Variants in SCML2 observed in about 807,000 individuals in gnomAD.
The protein encoded by SCML2 is sex comb on midleg-like protein 2.
In SCML2, 6 loss-of-function variants were observed where a neutral mutation model predicts 48.4. That is an observed-to-expected ratio of 0.12 (90% CI 0.07 to 0.24). The LOEUF (loss-of-function observed/expected upper bound fraction) is 0.24, where lower values mean the gene tolerates loss of function less well. SCML2 is among the 10% of genes least tolerant of loss of function. SCML2 has a pLI of 1.00. For synonymous variants in SCML2, 181 were observed against 189.5 expected (o/e 0.95, Z 0.37); for missense variants, 377 against 528.2 (o/e 0.71, Z 2.81).
intron 10 of SCML2, 63 bp downstream of exon 10, chrX:18,257,981 G>A (rs1228001945): frequency 3.1e-6 from 2 of 645,331 alleles, no homozygotes; most frequent in Non-Finnish European, 4.7e-6. Flanking sequence ...AAGGGAAGGG[G>A]GAAGGGAAGG....
intron 7 of SCML2, among the ~76,000 whole-genome samples, chrX:18,283,925 G>GA (rs757182705): frequency 2.7e-5 from 3 of 111,806 alleles, no homozygotes; most frequent in East Asian, 2.8e-4. Flanking sequence ...CACAAAATTA[G>GA]AAAAAAACTA....
At chrX:18,351,138 C>A (rs1317827923) in intron 1 of SCML2, among the ~76,000 whole-genome samples, 1 of 110,372 alleles carries the variant, frequency 9.1e-6, no homozygotes, top group Non-Finnish European at 1.9e-5. Flanking sequence ...GGCATGGTGG[C>A]ACACCCCTGT....
Position 18,240,852 on chromosome X carries a change from A to G in SCML2, c.*399T>C, listed in dbSNP as rs1926238444. ...TAATTATAGAAGTTGTCAATCCCTG[A>G]TATTTTCCCCTTTGGGATTTAGCTG... On this transcript the variant is annotated 3_prime_UTR_variant, in exon 15 of 15. Transcript: ENST00000251900. 1 of 113,481 alleles carries G rather than the reference A, an allele frequency of 8.8e-6. No individual in the cohort carries two copies. The highest frequency in any genetic ancestry group is 3.2e-5 in the African/African-American group (1 of 30,951). 9.4% of individuals were successfully genotyped at this position (113,481 alleles called of 1,213,427 possible).
At chrX:18,289,241 T>C (rs1242569543) in intron 7 of SCML2, among the ~76,000 whole-genome samples, 1 of 112,321 alleles carries the variant, frequency 8.9e-6, no homozygotes, top group Non-Finnish European at 1.9e-5. Flanking sequence ...CAGACTCTGC[T>C]TGCAATTGTT....
chrX:18,257,124 A>AT (rs1041315147), intron 10 of SCML2, 94 bp from the exon 11 acceptor site: 5 of 542,286 alleles, frequency 9.2e-6, no homozygotes, highest in Non-Finnish European at 1.1e-5. Context: ...GAAAGGTATT[A>AT]TAAGTCTAAT....
Position 18,258,055 on chromosome X carries a change from TCTC to T in SCML2, c.1259_1261del (p.Gly420del), listed in dbSNP as rs1269793793. 2.5e-6 allele frequency: 3 copies of T among 1,206,992 alleles called. No individual in the cohort carries two copies. Among genetic ancestry groups the T allele is most frequent in the Non-Finnish European group, 2.2e-6 (2 of 891,914 alleles). On this transcript the variant is annotated inframe_deletion, in exon 10 of 15. Transcript: ENST00000251900. Reference sequence around the variant, plus strand: ...TTAGATAAGTATACCAGTTATCACTTCTCCTCCACGATTATCTGGCTTCAGGTA... The same window carrying T: ...TTAGATAAGTATACCAGTTATCACTTCTCCACGATTATCTGGCTTCAGGTA...
At chrX:18,261,246 C>T (rs1927054130) in intron 8 of SCML2, among the ~76,000 whole-genome samples, 1 of 107,217 alleles carries the variant, frequency 9.3e-6, no homozygotes, top group Non-Finnish European at 1.9e-5. Flanking sequence ...GATCCTCCTA[C>T]CTCCGCCTCC....
intron 8 of SCML2, among the ~76,000 whole-genome samples, chrX:18,263,225 A>C (rs1748555489): frequency 9.0e-6 from 1 of 110,595 alleles, no homozygotes; most frequent in Non-Finnish European, 1.9e-5. Flanking sequence ...ATATTGTACC[A>C]CTTCACATAA....
chrX:18,316,841 A>G (rs758116706), intron 6 of SCML2, among the ~76,000 whole-genome samples: 1 of 112,400 alleles, frequency 8.9e-6, no homozygotes, highest in East Asian at 2.8e-4. Context: ...TGCAAACCCT[A>G]TTGTGAACTG....
At chrX:18,242,407 C>T (rs944692413) in intron 14 of SCML2, 32 bp downstream of exon 14, 13 of 1,161,851 alleles carry the variant, frequency 1.1e-5, no homozygotes, top group African/African-American at 1.8e-5. Context: ...AAAGGCATTA[C>T]GGCAGGAAAA....
intron 1 of SCML2, among the ~76,000 whole-genome samples, chrX:18,351,227 G>A (rs969041525): frequency 1.9e-5 from 2 of 107,974 alleles, no homozygotes; most frequent in Admixed American, 9.9e-5. Context: ...CTGAGATCAC[G>A]CCACTGCACT....
At chrX:18,305,355 A>T (rs1018332304) in intron 6 of SCML2, 140 bp from the exon 7 acceptor site, 1 of 520,358 alleles carries the variant, frequency 1.9e-6, no homozygotes, top group Non-Finnish European at 3.1e-6. Context: ...CAATTAATAC[A>T]GGAAGACAAC....
At chrX:18,266,335 C>T (rs1309906574) in intron 7 of SCML2, among the ~76,000 whole-genome samples, 1 of 111,239 alleles carries the variant, frequency 9.0e-6, no homozygotes, top group Non-Finnish European at 1.9e-5. Flanking sequence ...CATTATGTCC[C>T]TATATGTATG....
intron 11 of SCML2, among the ~76,000 whole-genome samples, chrX:18,255,762 G>C (rs192073042): frequency 8.9e-6 from 1 of 112,843 alleles, no homozygotes; most frequent in Non-Finnish European, 1.9e-5. Context: ...TGGTACCCAC[G>C]CTTCACACTT....
Position 18,324,988 on chromosome X carries a change from C to A in SCML2, c.92-11G>T. 8.7e-7 allele frequency: 1 copy of A among 1,154,653 alleles called. No individual in the cohort carries two copies. Among genetic ancestry groups the A allele is most frequent in the Non-Finnish European group, 1.2e-6 (1 of 846,248 alleles). ...CCCAGTGGAAATCATCTGGAAAAAA[C>A]ACATGTGCAAAATAGTTTCTTAAAG... On this transcript the variant is annotated splice_polypyrimidine_tract_variant and intron_variant, in intron 3 of 14. Coordinates refer to ENST00000251900, the MANE Select transcript of SCML2 (RefSeq NM_006089.3).
At chrX:18,336,437 C>CAA (rs1287373579) in intron 1 of SCML2, among the ~76,000 whole-genome samples, 1 of 50,129 alleles carries the variant, frequency 2.0e-5, no homozygotes, top group Non-Finnish European at 3.7e-5. Flanking sequence ...GACTCGGTCT[C>CAA]AAAAAAAAAA....
intron 13 of SCML2, among the ~76,000 whole-genome samples, chrX:18,246,295 G>A (rs371260435): frequency 9.8e-5 from 11 of 111,884 alleles, no homozygotes; most frequent in African/African-American, 2.6e-4. Flanking sequence ...GAGTCCAGAC[G>A]GTACCCAAGG....
At chrX:18,282,149 C>T (rs773111338) in intron 7 of SCML2, among the ~76,000 whole-genome samples, 20 of 109,406 alleles carry the variant, frequency 1.8e-4, no homozygotes, top group Admixed American at 5.8e-4. Flanking sequence ...AAAACTGAGA[C>T]GCAAAAATCC....
At chrX:18,317,703 A>G (rs1030850344) in intron 6 of SCML2, among the ~76,000 whole-genome samples, 2 of 108,153 alleles carry the variant, frequency 1.8e-5, no homozygotes, top group Non-Finnish European at 3.8e-5. Flanking sequence ...GCGTGGTAGC[A>G]GGCGCCTGTA....
Sources: gnomAD v4.1 joint callset for allele counts (sites outside exome capture counted in the v4.1 genomes callset) on GRCh38, gnomAD v4.1.1 for gene constraint, MANE v1.5 for transcripts, NCBI Gene and HGNC (gene_info 2026-07-23, HGNC 2026-07-21) for gene names.